RNF150: variants seen among roughly 807,000 people sequenced by gnomAD.
RNF150 encodes ring finger protein 150.
Under a neutral mutation model 39.3 loss-of-function variants are expected in RNF150, and 24 were observed. The ratio of observed to expected loss-of-function variants is 0.61; its 90% CI spans 0.44 to 0.86. The LOEUF (loss-of-function observed/expected upper bound fraction) is 0.86, where lower values mean the gene tolerates loss of function less well. RNF150 is among the 40% of genes least tolerant of loss of function. The pLI is 0.00. For missense variants in RNF150, 502 were observed against 587.8 expected (o/e 0.85, Z 1.51); for synonymous variants, 255 against 227.3 (o/e 1.12, Z -1.10).
chr4:140,953,867 G>A (rs1368529271), intron 2 of RNF150, among the ~76,000 whole-genome samples: 2 of 152,174 alleles, frequency 1.3e-5, no homozygotes, highest in East Asian at 1.9e-4. Context: ...GCTACTTACT[G>A]TTGCTTTTGT....
At chr4:140,933,687 A>T (rs1731733568) in intron 4 of RNF150, among the ~76,000 whole-genome samples, 1 of 152,252 alleles carries the variant, frequency 6.6e-6, no homozygotes, top group Admixed American at 6.5e-5. Flanking sequence ...AAGAGGTATG[A>T]ATGGTGAAGA....
Position 141,164,675 on chromosome 4 carries a change from T to G in RNF150, c.-6+48119A>C, listed in dbSNP as rs571535737. Among the ~76,000 whole-genome samples, 17 of 152,288 alleles carry G rather than the reference T, an allele frequency of 1.1e-4. No individual in the cohort carries two copies. The South Asian group carries it at 3.5e-3, about 32-fold the overall frequency. On this transcript the variant is annotated intron_variant, in intron 1 of 7. Transcript: ENST00000420921. The stretch of plus-strand genomic sequence containing the variant: ...TAAACATTCTTTAAGAAAAGAATTT[T>G]AAACCCAGAATTTCATGTCCAACCA...
chr4:140,895,427 T>G (rs1425168511), intron 6 of RNF150, among the ~76,000 whole-genome samples: 1 of 152,130 alleles, frequency 6.6e-6, no homozygotes, highest in Admixed American at 6.5e-5. Flanking sequence ...AACATATGTC[T>G]CTGTAGGAAA....
intron 1 of RNF150, among the ~76,000 whole-genome samples, chr4:141,190,022 G>A (rs558172929): frequency 1.3e-5 from 2 of 152,286 alleles, no homozygotes; most frequent in South Asian, 2.1e-4. Context: ...TGGGGCCCTG[G>A]ACCAGATAGC....
In RNF150 at chr4:141,084,254, G is replaced by A. The variant is rs114458696; in HGVS notation, c.484+48071C>T. 9.4e-3 allele frequency among the ~76,000 whole-genome samples: 1,424 copies of A among 151,998 alleles called. 28 individuals carry two copies. The highest frequency in any genetic ancestry group is 0.031 in the African/African-American group (1,302 of 41,456). On this transcript the variant is annotated intron_variant, in intron 1 of 6. Transcript: ENST00000515673. ...GAAAACATTTTCTTATAATTCACCC[G>A]GATTTGTAGCAATATTATATATTCC...
rs145292898 is a variant in RNF150 at position 141,203,320 on chromosome 4, G to A, written c.-6+9474C>T. On this transcript the variant is annotated intron_variant, in intron 1 of 7. Transcript: ENST00000420921. Reference sequence around the variant, plus strand: ...ATATATCTTGGAGATATATAATCTTGGAGATGATATATATATATCTTGGAG... The same window carrying A: ...ATATATCTTGGAGATATATAATCTTAGAGATGATATATATATATCTTGGAG... Among the ~76,000 whole-genome samples the A allele has an allele frequency of 7.8e-3, 1,140 of 145,934 alleles. 43 individuals are homozygous for A. Among genetic ancestry groups the A allele is most frequent in the Admixed American group, 0.052 (749 of 14,350 alleles).
chr4:140,930,568 C>T (rs1036118712), intron 4 of RNF150, among the ~76,000 whole-genome samples: 1 of 152,174 alleles, frequency 6.6e-6, no homozygotes, highest in Non-Finnish European at 1.5e-5. Flanking sequence ...AGCACTCCTC[C>T]CTGCCTCCAC....
intron 1 of RNF150, among the ~76,000 whole-genome samples, chr4:141,028,121 G>A (rs1371567966): frequency 6.6e-6 from 1 of 151,772 alleles, no homozygotes; most frequent in African/African-American, 2.4e-5. Context: ...GGACAAGCTG[G>A]AACTAAACAA....
intron 1 of RNF150, among the ~76,000 whole-genome samples, chr4:141,065,536 C>T (rs890454099): frequency 7.8e-6 from 1 of 127,526 alleles, no homozygotes; most frequent in Non-Finnish European, 1.7e-5. Flanking sequence ...TAATGAAAGG[C>T]AAATTTTATT....
intron 1 of RNF150, among the ~76,000 whole-genome samples, chr4:141,185,331 GTC>G (rs1448591332): frequency 6.6e-6 from 1 of 152,074 alleles, no homozygotes; most frequent in Non-Finnish European, 1.5e-5. Context: ...CTGTCTGCTT[GTC>G]TATTATTGGT....
At position 141,203,076 on chromosome 4, in the gene RNF150, T is replaced by C. The variant is rs145555493; in HGVS notation, c.-6+9718A>G. ...GAGATTTTATATATATATATATATA[T>C]ACACACATATATGAGATATATAATC... On this transcript the variant is annotated intron_variant, in intron 1 of 7. Coordinates refer to the RNF150 transcript ENST00000420921. 2.1e-4 allele frequency among the ~76,000 whole-genome samples: 28 copies of C among 133,012 alleles called. 1 individual carries two copies. The highest frequency in any genetic ancestry group is 3.9e-3 in the Middle Eastern group (1 of 254). 87.3% of individuals were successfully genotyped at this position (133,012 alleles called of 152,430 possible).
chr4:141,187,653 A>AT (rs1728036955), intron 1 of RNF150, among the ~76,000 whole-genome samples: 1 of 152,086 alleles, frequency 6.6e-6, no homozygotes, highest in Non-Finnish European at 1.5e-5. Context: ...AGTCTGTTTT[A>AT]TTGGAGACTA....
chr4:141,009,363 C>A (rs1734988597), intron 1 of RNF150, among the ~76,000 whole-genome samples: 1 of 152,204 alleles, frequency 6.6e-6, no homozygotes, highest in East Asian at 1.9e-4. Context: ...TGCTTCCATT[C>A]ATATGCTCAT....
chr4:141,127,953 C>T (rs752145082), intron 1 of RNF150, among the ~76,000 whole-genome samples: 13 of 152,188 alleles, frequency 8.5e-5, no homozygotes, highest in Non-Finnish European at 1.2e-4. Context: ...GATGAGATTT[C>T]AATTTAAGCC....
intron 6 of RNF150, among the ~76,000 whole-genome samples, chr4:140,887,374 T>C (rs755508692): frequency 6.6e-6 from 1 of 152,226 alleles, no homozygotes; most frequent in Non-Finnish European, 1.5e-5. Context: ...CTATACGCTA[T>C]GCCAGATAAT....
chr4:141,154,412 T>C (rs1018276333), intron 1 of RNF150, among the ~76,000 whole-genome samples: 1 of 152,208 alleles, frequency 6.6e-6, no homozygotes, highest in Non-Finnish European at 1.5e-5. Flanking sequence ...CACAATGCTA[T>C]TAAGTTAGAG....
rs116262828 is a variant in RNF150, at chr4:141,076,891, G to A, written c.484+55434C>T. Among the ~76,000 whole-genome samples the A allele has an allele frequency of 4.6e-3, 695 of 152,066 alleles. 6 individuals carry two copies. The highest frequency in any genetic ancestry group is 0.016 in the African/African-American group (661 of 41,478). On this transcript the variant is annotated intron_variant, in intron 1 of 6. Transcript: ENST00000515673. ...GGGCAGTTTCTCGCATGGTCTAGAC[G>A]ATCCTGTTTGCAGGGCAGCTTTGAT...
intron 1 of RNF150, among the ~76,000 whole-genome samples, chr4:141,174,640 C>G (rs1727779271): frequency 6.6e-6 from 1 of 152,024 alleles, no homozygotes; most frequent in Admixed American, 6.5e-5. Context: ...GGTCCCTACT[C>G]TGCCTTGAAA....
chr4:141,027,672 T>C (rs1457311389), intron 1 of RNF150, among the ~76,000 whole-genome samples: 1 of 152,150 alleles, frequency 6.6e-6, no homozygotes, highest in Admixed American at 6.5e-5. Flanking sequence ...TTTCCTGTCT[T>C]CCAGCTGAGT....
Sources: allele counts gnomAD v4.1 joint callset (sites outside exome capture counted in the v4.1 genomes callset), GRCh38; gene constraint gnomAD v4.1.1; transcripts MANE v1.5; gene names NCBI Gene and HGNC (gene_info 2026-07-23, HGNC 2026-07-21).